The following B3GALT1 variants were observed in gnomAD, a reference collection of about 807,000 sequenced individuals.
B3GALT1 encodes beta-1,3-galactosyltransferase 1.
A neutral mutation model predicts 23.2 loss-of-function variants in B3GALT1; 10 were observed. The observed-to-expected ratio is 0.43, with a 90% confidence interval of 0.27 to 0.73. The LOEUF (loss-of-function observed/expected upper bound fraction) is 0.73, where lower values mean the gene tolerates loss of function less well. Among genes scored for constraint, B3GALT1 ranks in the 30% least tolerant of loss-of-function variants. B3GALT1 has a pLI of 0.21. For synonymous variants in B3GALT1, 156 were observed against 141.5 expected, an observed-to-expected ratio of 1.10 and a Z score of -0.73; for missense variants, 299 against 405.4, an observed-to-expected ratio of 0.74 and a Z score of 2.25.
intron 3 of B3GALT1, among the ~76,000 whole-genome samples, chr2:167,772,883 A>G (rs961789424): frequency 3.3e-5 from 5 of 152,208 alleles, no homozygotes; most frequent in African/African-American, 9.6e-5. Context: ...CTAATTTACT[A>G]AGTGCAGAAT....
intron 2 of B3GALT1, among the ~76,000 whole-genome samples, chr2:167,518,142 G>T (rs1200761123): frequency 6.6e-6 from 1 of 152,068 alleles, no homozygotes; most frequent in African/African-American, 2.4e-5. Context: ...TTCCATCGAG[G>T]ATCCAAATTA....
intron 3 of B3GALT1, among the ~76,000 whole-genome samples, chr2:167,718,168 G>A (rs991386635): frequency 2.0e-5 from 3 of 152,060 alleles, no homozygotes; most frequent in African/African-American, 7.2e-5. Flanking sequence ...AATTACAGAA[G>A]GTCAGGAAAG....
chr2:167,502,812 G>A (rs1699865855), intron 2 of B3GALT1, among the ~76,000 whole-genome samples: 1 of 152,204 alleles, frequency 6.6e-6, no homozygotes, highest in Non-Finnish European at 1.5e-5. Context: ...GGCCAAGGCA[G>A]GTGGATCCCT....
rs146593974 is a variant in B3GALT1 at position 167,543,414 on chromosome 2, T to C, written c.-410+53137T>C. Among the ~76,000 whole-genome samples, 865 of 152,270 alleles carry C rather than the reference T, an allele frequency of 5.7e-3. 8 individuals carry two copies. Among genetic ancestry groups the C allele is most frequent in the South Asian group, 0.035 (171 of 4,824 alleles). ...ATAAAGTAGTTTTAGTATAAATGCT[T>C]ATGACATGATTATGCACCACATATG... On this transcript the variant is annotated intron_variant, in intron 2 of 4. Coordinates refer to ENST00000392690, the MANE Select transcript of B3GALT1 (RefSeq NM_020981.4).
chr2:167,768,440 A>G (rs72876894), intron 3 of B3GALT1, among the ~76,000 whole-genome samples: 7,460 of 152,198 alleles, frequency 0.049, 207 homozygotes, highest in South Asian at 0.088. Context: ...TGGTAGGCCA[A>G]AAAACCTCCT....
chr2:167,365,294 GCCCT>G (rs1697569024), intron 1 of B3GALT1, among the ~76,000 whole-genome samples: 1 of 152,082 alleles, frequency 6.6e-6, no homozygotes, highest in Admixed American at 6.6e-5. Flanking sequence ...TGTTCTTCCT[GCCCT>G]TTCAGTTTGG....
In B3GALT1 at chr2:167,512,618, ATACG is replaced by A. The variant is rs200504901; in HGVS notation, c.-410+22343_-410+22346del. ...TGTATATATATATATGTATATATAT[ATACG>A]TGTATATATATATACATATATATAT... On this transcript the variant is annotated intron_variant, in intron 2 of 4. Coordinates refer to ENST00000392690, the MANE Select transcript of B3GALT1 (RefSeq NM_020981.4). Among the ~76,000 whole-genome samples, 51 of 82,410 alleles carry A rather than the reference ATACG, an allele frequency of 6.2e-4. 1 individual carries two copies. The highest frequency in any genetic ancestry group is 1.3e-3 in the East Asian group (1 of 750). 54.1% of individuals were successfully genotyped at this position (82,410 alleles called of 152,430 possible).
chr2:167,734,666 T>C (rs1262998998), intron 3 of B3GALT1, among the ~76,000 whole-genome samples: 1 of 152,054 alleles, frequency 6.6e-6, no homozygotes, highest in African/African-American at 2.4e-5. Context: ...AGAGAATAAA[T>C]TATGAAAGTT....
intron 2 of B3GALT1, among the ~76,000 whole-genome samples, chr2:167,512,998 A>G (rs1461784946): frequency 6.8e-6 from 1 of 146,562 alleles, no homozygotes; most frequent in African/African-American, 2.5e-5. Context: ...ATATTTAAAT[A>G]TATTTACATT....
intron 3 of B3GALT1, among the ~76,000 whole-genome samples, chr2:167,740,566 G>A (rs1687563703): frequency 6.6e-6 from 1 of 151,992 alleles, no homozygotes; most frequent in Non-Finnish European, 1.5e-5. Context: ...CAGATACTTG[G>A]CAAATGCATT....
At chr2:167,689,113 A>G (rs930903084) in intron 3 of B3GALT1, among the ~76,000 whole-genome samples, 1 of 146,300 alleles carries the variant, frequency 6.8e-6, no homozygotes, top group Non-Finnish European at 1.5e-5. Flanking sequence ...TAGAAACGCC[A>G]TAGTCAAACC....
chr2:167,334,904 A>G (rs1361692206), intron 1 of B3GALT1, among the ~76,000 whole-genome samples: 3 of 152,170 alleles, frequency 2.0e-5, no homozygotes, highest in Non-Finnish European at 4.4e-5. Flanking sequence ...CTCAAGTTCC[A>G]AGTGATTGTG....
At chr2:167,557,632 G>C (rs1683877490) in intron 2 of B3GALT1, among the ~76,000 whole-genome samples, 1 of 152,126 alleles carries the variant, frequency 6.6e-6, no homozygotes. Context: ...TGTCAAAGTG[G>C]TCATGGACTG....
intron 4 of B3GALT1, among the ~76,000 whole-genome samples, chr2:167,849,869 A>G (rs369708072): frequency 2.6e-4 from 39 of 151,016 alleles, no homozygotes; most frequent in African/African-American, 9.3e-4. Context: ...CAGCCCCGGG[A>G]AAAGAGCGAG....
At chr2:167,783,700 C>T (rs771613022) in intron 3 of B3GALT1, among the ~76,000 whole-genome samples, 4 of 152,148 alleles carry the variant, frequency 2.6e-5, no homozygotes, top group South Asian at 2.1e-4. Flanking sequence ...CCCAGTGACT[C>T]GGCAGGGGGC....
At chr2:167,812,548 G>A (rs1688910940) in intron 3 of B3GALT1, among the ~76,000 whole-genome samples, 1 of 152,050 alleles carries the variant, frequency 6.6e-6, no homozygotes, top group African/African-American at 2.4e-5. Flanking sequence ...ATTCCTGAAT[G>A]GCATTATAAA....
intron 2 of B3GALT1, among the ~76,000 whole-genome samples, chr2:167,492,966 T>A (rs993394708): frequency 5.9e-5 from 9 of 152,058 alleles, no homozygotes; most frequent in Non-Finnish European, 1.0e-4. Flanking sequence ...TAATACACCA[T>A]TGAAATAAAA....
At chr2:167,417,619 G>T (rs956458016) in intron 1 of B3GALT1, among the ~76,000 whole-genome samples, 14 of 152,172 alleles carry the variant, frequency 9.2e-5, no homozygotes, top group African/African-American at 3.4e-4. Flanking sequence ...AAGGAAACTA[G>T]TATTATTCAA....
chr2:167,715,391 A>G, intron 3 of B3GALT1: 2 of 1,613,560 alleles, frequency 1.2e-6, no homozygotes, highest in South Asian at 2.2e-5. Context: ...TTCTCGCAAA[A>G]GCTGTTTCTG....
Sources: allele counts gnomAD v4.1 joint callset (sites outside exome capture counted in the v4.1 genomes callset), GRCh38; gene constraint gnomAD v4.1.1; transcripts MANE v1.5; gene names NCBI Gene and HGNC (gene_info 2026-07-23, HGNC 2026-07-21).